GULP1: variants seen among roughly 807,000 people sequenced by gnomAD.
GULP1 encodes GULP PTB domain containing engulfment adaptor 1.
A neutral mutation model predicts 40.9 loss-of-function variants in GULP1; 19 were observed. That is an observed-to-expected ratio of 0.46 (90% confidence interval 0.32 to 0.68). The LOEUF (loss-of-function observed/expected upper bound fraction) is 0.68. GULP1 is among the 30% of genes least tolerant of loss of function. GULP1 has a pLI of 0.03. For missense variants in GULP1, 312 were observed against 362.2 expected (o/e 0.86, Z 1.12); for synonymous variants, 119 against 117.6 (o/e 1.01, Z -0.08).
At chr2:188,298,592 C>A (rs1249117765) in intron 1 of GULP1, among the ~76,000 whole-genome samples, 2 of 151,978 alleles carry the variant, frequency 1.3e-5, no homozygotes, top group East Asian at 3.8e-4. Flanking sequence ...ATCACCATGA[C>A]TGGATATGTA....
At chr2:188,411,378 G>A (rs1047581176) in intron 2 of GULP1, among the ~76,000 whole-genome samples, 1 of 152,118 alleles carries the variant, frequency 6.6e-6, no homozygotes, top group African/African-American at 2.4e-5. Context: ...GCACTCAGTG[G>A]TGGCCATAGC....
intron 1 of GULP1, among the ~76,000 whole-genome samples, chr2:188,300,580 A>T (rs866786106): frequency 9.8e-4 from 150 of 152,294 alleles, no homozygotes; most frequent in African/African-American, 3.5e-3. Context: ...TAATTAAAAC[A>T]TATATAACAT....
chr2:188,388,877 A>C (rs566111817), intron 2 of GULP1, among the ~76,000 whole-genome samples: 1 of 152,362 alleles, frequency 6.6e-6, no homozygotes, highest in East Asian at 1.9e-4. Flanking sequence ...GTTGGCATGC[A>C]GATACTGAGT....
At chr2:188,422,636 C>T (rs993069664) in intron 2 of GULP1, among the ~76,000 whole-genome samples, 1 of 151,920 alleles carries the variant, frequency 6.6e-6, no homozygotes, top group Non-Finnish European at 1.5e-5. Context: ...ATAGAGCAAA[C>T]ATTCAAATTT....
Position 188,594,327 on chromosome 2 carries a change from G to T in GULP1, c.*316G>T. ...CTATTTAGTTAGCATCTTGAAATTT[G>T]TATTCATTTTCCAGATGGCTAGTTT... On this transcript the variant is annotated 3_prime_UTR_variant, in exon 12 of 12. Transcript: ENST00000409830. 5.6e-6 allele frequency: 1 copy of T among 178,740 alleles called. No individual in the cohort carries two copies. Among genetic ancestry groups the T allele is most frequent in the South Asian group, 1.9e-4 (1 of 5,186 alleles). The allele number at this position is 178,740 out of a possible 1,614,324, so 11.1% of individuals were successfully genotyped here. A position where few individuals can be genotyped will look rare whatever the true frequency, so the allele number is the denominator to read the frequency against.
intron 2 of GULP1, among the ~76,000 whole-genome samples, chr2:188,419,022 A>G (rs1368390326): frequency 6.6e-6 from 1 of 152,204 alleles, no homozygotes; most frequent in Non-Finnish European, 1.5e-5. Context: ...AGTGTCCTCA[A>G]GGTTCATCTA....
At chr2:188,481,572 C>T (rs1473594674) in intron 3 of GULP1, among the ~76,000 whole-genome samples, 1 of 151,850 alleles carries the variant, frequency 6.6e-6, no homozygotes, top group Admixed American at 6.6e-5. Flanking sequence ...TTGGTATACT[C>T]TTTTTAGGTC....
At chr2:188,433,374 C>T (rs537304948) in intron 2 of GULP1, among the ~76,000 whole-genome samples, 3 of 152,152 alleles carry the variant, frequency 2.0e-5, no homozygotes, top group South Asian at 2.1e-4. Flanking sequence ...GTTTATGCAA[C>T]GGACAGTCCG....
intron 4 of GULP1, among the ~76,000 whole-genome samples, chr2:188,497,974 G>A (rs775220879): frequency 1.2e-4 from 18 of 151,876 alleles, no homozygotes; most frequent in Non-Finnish European, 2.4e-4. Context: ...CCCTGGCCAA[G>A]GATTAATGCT....
chr2:188,318,527 A>G (rs2039479724), intron 1 of GULP1, among the ~76,000 whole-genome samples: 1 of 152,180 alleles, frequency 6.6e-6, no homozygotes. Flanking sequence ...CAACGGAGAC[A>G]GGGCTGGAAC....
intron 4 of GULP1, among the ~76,000 whole-genome samples, chr2:188,484,744 T>C (rs901150390): frequency 3.3e-5 from 5 of 152,188 alleles, no homozygotes; most frequent in Non-Finnish European, 5.9e-5. Flanking sequence ...AAAGCCTATG[T>C]AGAAGAAGTT....
intron 1 of GULP1, among the ~76,000 whole-genome samples, chr2:188,367,807 A>G (rs1032331900): frequency 2.1e-4 from 32 of 152,110 alleles, no homozygotes; most frequent in Non-Finnish European, 5.9e-5. Context: ...CTGTCAGAAG[A>G]GTGATCAGTA....
chr2:188,316,670 T>C (rs1574355914), intron 1 of GULP1, among the ~76,000 whole-genome samples: 1 of 152,168 alleles, frequency 6.6e-6, no homozygotes, highest in South Asian at 2.1e-4. Context: ...ATATTTAAAA[T>C]CACAACTCCT....
At position 188,594,977 on chromosome 2, in the gene GULP1, G is replaced by T. The variant is rs1410529536; in HGVS notation, c.*966G>T. 1 of 149,934 alleles carries T rather than the reference G, an allele frequency of 6.7e-6. No homozygotes were observed. Among genetic ancestry groups the T allele is most frequent in the Non-Finnish European group, 1.5e-5 (1 of 67,450 alleles). 9.3% of individuals were successfully genotyped at this position (149,934 alleles called of 1,614,324 possible). ...TCTTGGTTTTGATACTTTAAAATCT[G>T]TGGCACCCGTTCTACATGAATTATC... On this transcript the variant is annotated 3_prime_UTR_variant, in exon 12 of 12. Transcript: ENST00000409830.
chr2:188,339,775 T>TA (rs1316194231), intron 1 of GULP1, among the ~76,000 whole-genome samples: 2 of 152,196 alleles, frequency 1.3e-5, no homozygotes, highest in Non-Finnish European at 2.9e-5. Context: ...AATAAAAGCT[T>TA]AAAAAGAAAA....
At chr2:188,339,578 A>G (rs1260320438) in intron 1 of GULP1, among the ~76,000 whole-genome samples, 1 of 152,162 alleles carries the variant, frequency 6.6e-6, no homozygotes, top group East Asian at 1.9e-4. Context: ...AGTTTTGAGA[A>G]ATTGAAGTTA....
chr2:188,552,909 C>G (rs144177389), intron 7 of GULP1, among the ~76,000 whole-genome samples: 1 of 150,138 alleles, frequency 6.7e-6, no homozygotes, highest in Admixed American at 6.7e-5. Flanking sequence ...TTATCTCTCT[C>G]TATATATATA....
chr2:188,361,034 A>G (rs2046001473), intron 1 of GULP1, among the ~76,000 whole-genome samples: 1 of 152,120 alleles, frequency 6.6e-6, no homozygotes, highest in Non-Finnish European at 1.5e-5. Flanking sequence ...CCTTTCTAAA[A>G]TGTCACTGCA....
intron 1 of GULP1, among the ~76,000 whole-genome samples, chr2:188,354,392 AG>A (rs2044962668): frequency 6.6e-6 from 1 of 152,162 alleles, no homozygotes; most frequent in Non-Finnish European, 1.5e-5. Context: ...AGACTAGAAC[AG>A]AGTCTCAGCT....
Sources: gnomAD v4.1 joint callset for allele counts (sites outside exome capture counted in the v4.1 genomes callset) on GRCh38, gnomAD v4.1.1 for gene constraint, MANE v1.5 for transcripts, NCBI Gene and HGNC (gene_info 2026-07-23, HGNC 2026-07-21) for gene names.